ATXN7: variants seen among roughly 807,000 people sequenced by gnomAD.
ATXN7 encodes the protein ataxin 7.
Under a neutral mutation model 70.5 loss-of-function variants are expected in ATXN7, and 12 were observed. The observed-to-expected ratio is 0.17, with a 90% CI of 0.11 to 0.28. ATXN7 has a LOEUF of 0.28. Ranked by LOEUF, ATXN7 falls within the 10% of genes least tolerant of loss-of-function variation. The pLI is 1.00. For synonymous variants in ATXN7, 498 were observed against 448.7 expected (o/e 1.11, Z -1.39); for missense variants, 1,256 against 1,131.7 (o/e 1.11, Z -1.58).
In ATXN7 at chr3:63,982,190, A is replaced by G. The variant is rs201720980; in HGVS notation, c.757A>G (p.Thr253Ala). The G allele has an allele frequency of 6.2e-7, 1 of 1,614,084 alleles. No homozygotes were observed. Among genetic ancestry groups the G allele is most frequent in the Admixed American group, 1.7e-5 (1 of 60,004 alleles). ...TCTCACTTCCTCCTGTGACAGCATG[A>G]CACCCTCTGTGAAAGTGGAAAAGAT... ...QSRVPHGRIM[T>A]PSVKVEKIHP... Residue 253 changes from threonine to alanine, a missense_variant, in exon 7 of 13, where the codon ACA (threonine) becomes GCA (alanine). By Grantham distance (58) the Thr-to-Ala change is moderately conservative (BLOSUM62 0). Coordinates refer to ENST00000674280, the MANE Select transcript of ATXN7 (RefSeq NM_001377405.1).
Position 63,995,677 on chromosome 3 carries a change from C to G in ATXN7, c.1855C>G (p.Pro619Ala). 6.2e-7 allele frequency: 1 copy of G among 1,614,194 alleles called. No individual in the cohort carries two copies. Among genetic ancestry groups the G allele is most frequent in the Non-Finnish European group, 8.5e-7 (1 of 1,180,042 alleles). ...CATCTCCCCAAATAGCAAATCGGTA[C>G]CAGCTCATGGAACCACACTAAATGC... ...TCISPNSKSV[P>A]AHGTTLNAQP... Residue 619 changes from proline (P) to alanine (A), a missense_variant, in exon 12 of 13, where the codon CCA (proline) becomes GCA (alanine). Physicochemically the swap from Pro to Ala is conservative, Grantham distance 27. Transcript: ENST00000674280.
chr3:63,999,311 C>T (rs1316602861), intron 12 of ATXN7, 139 bp from the exon 13 acceptor site: 1 of 683,326 alleles, frequency 1.5e-6, no homozygotes, highest in East Asian at 2.7e-5. Context: ...CTATAGCTGA[C>T]TGTTCCTGGT....
At chr3:63,984,882 G>C (rs553801791) in intron 8 of ATXN7, among the ~76,000 whole-genome samples, 1 of 152,304 alleles carries the variant, frequency 6.6e-6, no homozygotes, top group East Asian at 1.9e-4. Context: ...GCGGTGTTTA[G>C]TCATTATGTG....
intron 4 of ATXN7, among the ~76,000 whole-genome samples, chr3:63,949,369 G>A (rs970445956): frequency 1.3e-5 from 2 of 150,742 alleles, no homozygotes; most frequent in African/African-American, 4.9e-5. Context: ...TAAAATTAAA[G>A]TTGCTTTACG....
intron 4 of ATXN7, among the ~76,000 whole-genome samples, chr3:63,941,806 C>T (rs1433588234): frequency 1.3e-5 from 2 of 151,982 alleles, no homozygotes; most frequent in African/African-American, 4.8e-5. Context: ...GGGAGTTGTG[C>T]TTATGGAAGG....
intron 4 of ATXN7, among the ~76,000 whole-genome samples, chr3:63,933,515 C>T (rs1260236542): frequency 1.3e-5 from 2 of 152,138 alleles, no homozygotes; most frequent in African/African-American, 4.8e-5. Context: ...TGACTTTCTT[C>T]ATGTACTCTG....
chr3:63,996,649 G>A (rs888842468), intron 12 of ATXN7, 166 bp downstream of exon 12: 24 of 886,478 alleles, frequency 2.7e-5, no homozygotes, highest in African/African-American at 5.2e-5. Context: ...AAAGGTTCAC[G>A]GCCGTATGAA....
intron 4 of ATXN7, among the ~76,000 whole-genome samples, chr3:63,931,580 T>C (rs573642919): frequency 6.6e-6 from 1 of 152,312 alleles, no homozygotes; most frequent in African/African-American, 2.4e-5. Context: ...GTGTTCTCTT[T>C]TCCTTATGGC....
At chr3:63,908,964 A>G (rs959993607) in intron 2 of ATXN7, among the ~76,000 whole-genome samples, 1 of 152,188 alleles carries the variant, frequency 6.6e-6, no homozygotes, top group African/African-American at 2.4e-5. Context: ...GCCATAGACA[A>G]TCTAGTTGGT....
intron 5 of ATXN7, among the ~76,000 whole-genome samples, chr3:63,966,428 C>T (rs2075223341): frequency 6.6e-6 from 1 of 152,104 alleles, no homozygotes; most frequent in Non-Finnish European, 1.5e-5. Flanking sequence ...CTTATTTTCG[C>T]TTATGAGCTT....
chr3:63,943,476 C>T (rs949056724), intron 4 of ATXN7, among the ~76,000 whole-genome samples: 3 of 152,156 alleles, frequency 2.0e-5, no homozygotes, highest in Admixed American at 2.0e-4. Flanking sequence ...GACCAAAGGA[C>T]GACAGTGGAG....
At chr3:63,884,523 ATGGTTGG>A (rs1703022911) in intron 1 of ATXN7, among the ~76,000 whole-genome samples, 3 of 152,196 alleles carry the variant, frequency 2.0e-5, no homozygotes, top group Non-Finnish European at 4.4e-5. Context: ...GTATAAATAA[ATGGTTGG>A]ATAAATAAGC....
intron 4 of ATXN7, among the ~76,000 whole-genome samples, chr3:63,914,439 G>A (rs1246308640): frequency 2.6e-5 from 4 of 152,146 alleles, no homozygotes; most frequent in African/African-American, 9.7e-5. Flanking sequence ...GCTATTTGAG[G>A]GTAAAGGAAA....
At chr3:63,984,735 T>C (rs1171787020) in intron 8 of ATXN7, among the ~76,000 whole-genome samples, 1 of 152,192 alleles carries the variant, frequency 6.6e-6, no homozygotes, top group Non-Finnish European at 1.5e-5. Flanking sequence ...CTAGAACTTG[T>C]TCATCTTGCT....
chr3:63,985,517 A>G (rs1259041000), intron 8 of ATXN7, among the ~76,000 whole-genome samples: 2 of 152,086 alleles, frequency 1.3e-5, no homozygotes, highest in African/African-American at 2.4e-5. Context: ...GTCTGAATCT[A>G]TTAAGCTTGG....
At position 63,995,519 on chromosome 3, in the gene ATXN7, T is replaced by C; in HGVS notation, c.1697T>C (p.Val566Ala). 2 of 1,614,064 alleles carry C rather than the reference T, an allele frequency of 1.2e-6. No homozygotes were observed. Among genetic ancestry groups the C allele is most frequent in the Non-Finnish European group, 1.7e-6 (2 of 1,179,952 alleles). The change falls in exon 12 of 13, where the codon GTG becomes GCG. Residue 566 changes from valine (V) to alanine (A), a missense_variant. Transcript: ENST00000674280. ...ATTTTTTTCAGGAAAATCCCACCAG[T>C]GCCCAGTACCACCTCACCCATCTCC... ...NAQLWKKIPP[V>A]PSTTSPISTR...
intron 4 of ATXN7, among the ~76,000 whole-genome samples, chr3:63,940,916 C>T (rs1192298512): frequency 6.6e-6 from 1 of 152,146 alleles, no homozygotes; most frequent in East Asian, 1.9e-4. Flanking sequence ...TGTTTTCTGA[C>T]TTGAGAGGTC....
chr3:63,911,803 C>G (rs921577658), intron 2 of ATXN7: 1 of 152,256 alleles, frequency 6.6e-6, no homozygotes, highest in African/African-American at 2.4e-5. Flanking sequence ...GGCACTTCCC[C>G]GCTAGCCCAA....
intron 2 of ATXN7, chr3:63,905,431 G>C (rs892499095): frequency 1.3e-5 from 2 of 152,130 alleles, no homozygotes; most frequent in African/African-American, 4.8e-5. Context: ...GGATGGTCTC[G>C]ATCTCCTGAC....
Sources: gnomAD v4.1 joint callset for allele counts (sites outside exome capture counted in the v4.1 genomes callset) on GRCh38, gnomAD v4.1.1 for gene constraint, MANE v1.5 for transcripts, NCBI Gene and HGNC (gene_info 2026-07-23, HGNC 2026-07-21) for gene names.